UNC13B: variants seen among roughly 807,000 people sequenced by gnomAD.
UNC13B encodes unc-13 homolog B, also known as protein unc-13 homolog B.
Under a neutral mutation model 211.0 loss-of-function variants are expected in UNC13B, and 144 were observed. The observed-to-expected ratio is 0.68, with a 90% CI of 0.60 to 0.78. UNC13B has a LOEUF of 0.78. Among genes scored for constraint, UNC13B ranks in the 30% least tolerant of loss-of-function variants. The probability of loss-of-function intolerance (pLI) is 0.00; values close to 1 mark genes in which losing one functional copy is unlikely to be tolerated. For synonymous variants in UNC13B, 709 were observed against 725.8 expected (o/e 0.98, Z 0.37); for missense variants, 1,777 against 2,002.0 (o/e 0.89, Z 2.14).
At chr9:35,192,088 C>T (rs573578372) in intron 1 of UNC13B, among the ~76,000 whole-genome samples, 1 of 152,276 alleles carries the variant, frequency 6.6e-6, no homozygotes, top group African/African-American at 2.4e-5. Context: ...TACCCTTTTG[C>T]CCACATGTCA....
intron 7 of UNC13B, among the ~76,000 whole-genome samples, chr9:35,271,991 A>G (rs1043388612): frequency 3.9e-5 from 6 of 152,204 alleles, no homozygotes; most frequent in Non-Finnish European, 8.8e-5. Context: ...GGTTTTATTT[A>G]TAATAGTGAA....
chr9:35,242,648 G>A (rs570826927), intron 5 of UNC13B, among the ~76,000 whole-genome samples: 3 of 152,198 alleles, frequency 2.0e-5, no homozygotes, highest in South Asian at 2.1e-4. Context: ...ATAATGCTCC[G>A]TTGTATGTAA....
At chr9:35,290,776 G>T (rs901691410) in intron 7 of UNC13B, among the ~76,000 whole-genome samples, 1 of 152,010 alleles carries the variant, frequency 6.6e-6, no homozygotes, top group African/African-American at 2.4e-5. Context: ...CCAGAAGGGG[G>T]CTTAAAACAA....
chr9:35,397,363 C>A, intron 29 of UNC13B, 53 bp downstream of exon 29: 1 of 1,602,300 alleles, frequency 6.2e-7, no homozygotes, highest in South Asian at 1.1e-5. Flanking sequence ...CACTCACAGT[C>A]TCATCACAGG....
intron 1 of UNC13B, among the ~76,000 whole-genome samples, chr9:35,178,176 C>T (rs1437215248): frequency 1.3e-5 from 2 of 152,086 alleles, no homozygotes; most frequent in East Asian, 1.9e-4. Context: ...TATAAGATGC[C>T]ATAGATTGTA....
chr9:35,234,767 A>G (rs1314969370), intron 3 of UNC13B, among the ~76,000 whole-genome samples: 2 of 152,246 alleles, frequency 1.3e-5, no homozygotes, highest in Admixed American at 6.5e-5. Context: ...ATATTTATAT[A>G]AAAGGGACAA....
chr9:35,364,215 T>C (rs1178069432), intron 11 of UNC13B, among the ~76,000 whole-genome samples: 4 of 130,994 alleles, frequency 3.1e-5, no homozygotes, highest in African/African-American at 4.6e-5. Flanking sequence ...AAATCTGGTC[T>C]TGCAACCTTG....
At chr9:35,225,248 C>A (rs555861889) in intron 1 of UNC13B, among the ~76,000 whole-genome samples, 186 of 152,288 alleles carry the variant, frequency 1.2e-3, no homozygotes, top group Admixed American at 2.3e-3. Context: ...TCAACCTCTG[C>A]CTCCCAGGCT....
intron 1 of UNC13B, among the ~76,000 whole-genome samples, chr9:35,185,546 G>T (rs546590336): frequency 2.0e-4 from 31 of 152,248 alleles, no homozygotes; most frequent in African/African-American, 7.5e-4. Flanking sequence ...CCAACCCCGA[G>T]CTTCACTCTG....
chr9:35,367,430 C>CATACAGTGTG (rs1473121166), intron 12 of UNC13B, among the ~76,000 whole-genome samples: 5 of 152,182 alleles, frequency 3.3e-5, no homozygotes, highest in African/African-American at 4.8e-5. Flanking sequence ...TTGATACAGG[C>CATACAGTGTG]ATACAGTGTG....
At chr9:35,233,393 T>C (rs1458822305) in intron 3 of UNC13B, among the ~76,000 whole-genome samples, 3 of 152,314 alleles carry the variant, frequency 2.0e-5, no homozygotes, top group Non-Finnish European at 4.4e-5. Context: ...TTCCTGTCTC[T>C]CCCACGTTGA....
At chr9:35,338,290 A>T (rs1023057109) in intron 11 of UNC13B, among the ~76,000 whole-genome samples, 5 of 152,150 alleles carry the variant, frequency 3.3e-5, no homozygotes, top group African/African-American at 1.2e-4. Context: ...CTAATCAGGG[A>T]TGGTCCTTGA....
chr9:35,231,259 A>T, intron 3 of UNC13B, 40 bp downstream of exon 3: 1 of 1,348,814 alleles, frequency 7.4e-7, no homozygotes, highest in Non-Finnish European at 1.1e-6. Flanking sequence ...CATATTTTAT[A>T]ATCTTTTTAA....
At chr9:35,299,416 T>C (rs2131818142) in intron 8 of UNC13B, among the ~76,000 whole-genome samples, 1 of 152,336 alleles carries the variant, frequency 6.6e-6, no homozygotes, top group South Asian at 2.1e-4. Context: ...GCTTGGCTTC[T>C]TTTTAGACTA....
chr9:35,314,801 G>GTA (rs58978538), intron 11 of UNC13B, among the ~76,000 whole-genome samples: 2,690 of 143,706 alleles, frequency 0.019, 37 homozygotes, highest in African/African-American at 0.037. Flanking sequence ...CCCATGGTGT[G>GTA]TATATATATA....
chr9:35,195,028 TCAGGTGTGAGCTTTA>T (rs1822859765), intron 1 of UNC13B, among the ~76,000 whole-genome samples: 2 of 152,158 alleles, frequency 1.3e-5, no homozygotes, highest in South Asian at 4.1e-4. Flanking sequence ...ATTGGTTCAA[TCAGGTGTGAGCTTTA>T]CATAGTACTC....
At chr9:35,351,354 G>T (rs966190806) in intron 11 of UNC13B, 3 of 1,225,938 alleles carry the variant, frequency 2.4e-6, no homozygotes, top group Non-Finnish European at 3.0e-6. Context: ...CCACACATGG[G>T]GCCATTCCAG....
At chr9:35,195,612 C>T (rs1368961564) in intron 1 of UNC13B, among the ~76,000 whole-genome samples, 1 of 152,106 alleles carries the variant, frequency 6.6e-6, no homozygotes, top group Admixed American at 6.5e-5. Context: ...GCCTTTTTTA[C>T]CTTATTTCTG....
intron 1 of UNC13B, among the ~76,000 whole-genome samples, chr9:35,212,660 T>G (rs1353267686): frequency 2.0e-5 from 3 of 152,178 alleles, no homozygotes; most frequent in Non-Finnish European, 4.4e-5. Flanking sequence ...CTCAAACCCT[T>G]GTACTGCAAA....
Sources: allele counts gnomAD v4.1 joint callset (sites outside exome capture counted in the v4.1 genomes callset), GRCh38; gene constraint gnomAD v4.1.1; transcripts MANE v1.5; gene names NCBI Gene and HGNC (gene_info 2026-07-23, HGNC 2026-07-21).